LGI1: variants seen among roughly 807,000 people sequenced by gnomAD.
LGI1 encodes leucine-rich glioma-inactivated protein 1.
Under a neutral mutation model 57.7 loss-of-function variants are expected in LGI1, and 11 were observed. That is an observed-to-expected ratio of 0.19 (90% CI 0.12 to 0.32). The LOEUF is 0.32. Ranked by LOEUF, LGI1 falls within the 10% of genes least tolerant of loss-of-function variation. LGI1 has a pLI of 1.00. For missense variants in LGI1, 422 were observed against 661.9 expected (o/e 0.64, Z 3.98); for synonymous variants, 222 against 241.9 (o/e 0.92, Z 0.76).
chr10:93,758,891 A>C lies in LGI1; in HGVS notation c.287+60A>C, dbSNP rs1162447909. The C allele has an allele frequency of 8.6e-7, 1 of 1,156,800 alleles. No individual in the cohort carries two copies. 71.7% of individuals were successfully genotyped at this position (1,156,800 alleles called of 1,614,324 possible). A position where few individuals can be genotyped will look rare whatever the true frequency, so the allele number is the denominator to read the frequency against. On this transcript the variant is annotated intron_variant, in intron 2 of 7. Transcript: ENST00000371418. This position sits in a 1 kb window ranked among gnomAD's most constrained non-coding sequence, Gnocchi z 4.7. Reference sequence around the variant, plus strand: ...TGGCATATATTTGGATAAGCCTTCTAGTAAAATGATCTCAATATTAATTTT... The same window carrying C: ...TGGCATATATTTGGATAAGCCTTCTCGTAAAATGATCTCAATATTAATTTT...
At chr10:93,778,217 G>A (rs2059810596) in intron 4 of LGI1, among the ~76,000 whole-genome samples, 1 of 152,084 alleles carries the variant, frequency 6.6e-6, no homozygotes, top group Non-Finnish European at 1.5e-5. Flanking sequence ...TACTGCTTAG[G>A]ACAGCCCTTC....
At chr10:93,779,253 T>A (rs1422705474) in intron 4 of LGI1, among the ~76,000 whole-genome samples, 1 of 151,110 alleles carries the variant, frequency 6.6e-6, no homozygotes, top group Non-Finnish European at 1.5e-5. Context: ...CTTAGCATCA[T>A]GAGAGCTGTA....
intron 2 of LGI1, among the ~76,000 whole-genome samples, chr10:93,761,473 C>T (rs12769713): frequency 0.21 from 31,320 of 152,172 alleles, 3,733 homozygotes; most frequent in Non-Finnish European, 0.28. Flanking sequence ...CTATTTCCAT[C>T]ATCCACCCTA....
At position 93,793,269 on chromosome 10, in the gene LGI1, G is replaced by A. The variant is rs1440639718; in HGVS notation, c.757G>A (p.Ala253Thr). 3.0e-5 allele frequency: 49 copies of A among 1,611,392 alleles called. No individual in the cohort carries two copies. The highest frequency in any genetic ancestry group is 4.5e-5 in the East Asian group (2 of 44,862). ...TTTGAATGATGAGTATGTAGTCATCGCTCAGCCTTTTACTGGAAAATGCAT... is the reference window on the plus strand; with the variant it reads ...TTTGAATGATGAGTATGTAGTCATCACTCAGCCTTTTACTGGAAAATGCAT... ...SYLNDEYVVI[A>T]QPFTGKCIFL... Residue 253 changes from alanine (A) to threonine (T), a missense_variant, in exon 7 of 8, where the codon GCT becomes ACT. By Grantham distance (58) the Ala-to-Thr change is moderately conservative. Transcript: ENST00000371418.
At chr10:93,793,425 G>T in intron 7 of LGI1, 75 bp downstream of exon 7, 3 of 1,258,898 alleles carry the variant, frequency 2.4e-6, no homozygotes, top group Non-Finnish European at 3.5e-6. Context: ...AAGATGAGTG[G>T]TATAGGGGAA....
intron 4 of LGI1, among the ~76,000 whole-genome samples, chr10:93,786,800 T>G (rs983127396): frequency 6.6e-6 from 1 of 152,166 alleles, no homozygotes; most frequent in East Asian, 1.9e-4. Context: ...TGCCTTGTTG[T>G]CCAGGCTGGT....
At chr10:93,791,315 T>C (rs1177705387) in intron 5 of LGI1, 2 of 152,260 alleles carry the variant, frequency 1.3e-5, no homozygotes, top group Non-Finnish European at 2.9e-5. Context: ...AGGTCAGTTC[T>C]GGGAGTGTCT....
At chr10:93,782,216 T>C (rs1043752843) in intron 4 of LGI1, among the ~76,000 whole-genome samples, 2 of 152,216 alleles carry the variant, frequency 1.3e-5, no homozygotes, top group Non-Finnish European at 2.9e-5. Flanking sequence ...GGCTTCAAAG[T>C]GCACTTTTCT....
chr10:93,790,961 A>T (rs2059933125), intron 5 of LGI1: 1 of 152,244 alleles, frequency 6.6e-6, no homozygotes, highest in African/African-American at 2.4e-5. Flanking sequence ...AAGCTTTTTT[A>T]AAAAATTATT....
chr10:93,771,063 T>G (rs1421727614), intron 2 of LGI1: 12 of 151,886 alleles, frequency 7.9e-5, no homozygotes. Context: ...AATAAAAAAA[T>G]AAATCGAAGA....
chr10:93,789,895 T>C (rs2059921416), intron 4 of LGI1: 3 of 558,168 alleles, frequency 5.4e-6, no homozygotes, highest in East Asian at 2.9e-5. Context: ...TAAATAAATA[T>C]GGAGTGGGTG....
At chr10:93,794,884 T>C (rs990122477) in intron 7 of LGI1, 8 of 152,172 alleles carry the variant, frequency 5.3e-5, no homozygotes, top group Non-Finnish European at 1.0e-4. Flanking sequence ...GCCATCACCC[T>C]CATTGCTCAA....
rs558247224 is a variant in LGI1 at position 93,765,558 on chromosome 10, A to C, written c.287+6727A>C. 4.6e-5 allele frequency: 7 copies of C among 152,340 alleles called. No homozygotes were observed. In the East Asian group the frequency reaches 1.3e-3, roughly 29 times the overall value. The allele number at this position is 152,340 out of a possible 1,614,324, so 9.4% of individuals were successfully genotyped here. A position where few individuals can be genotyped will look rare whatever the true frequency, so the allele number is the denominator to read the frequency against. On this transcript the variant is annotated intron_variant, in intron 2 of 7. Coordinates refer to ENST00000371418, the MANE Select transcript of LGI1 (RefSeq NM_005097.4). Reference sequence around the variant, plus strand: ...ACAGGATAAAGACCAAACAAATATAAGTTGGCATTTTGAGACCCTTGCATT... The same window carrying C: ...ACAGGATAAAGACCAAACAAATATACGTTGGCATTTTGAGACCCTTGCATT...
intron 2 of LGI1, among the ~76,000 whole-genome samples, chr10:93,776,409 A>G (rs2059794825): frequency 6.6e-6 from 1 of 152,150 alleles, no homozygotes. Flanking sequence ...TCCTCTGATT[A>G]TTTGAAGCAA....
rs1204799581 is a variant in LGI1 at position 93,777,597 on chromosome 10, A to G, written c.411A>G (p.Gly137=). The change falls in exon 4 of 8, where the codon GGA becomes GGG. Residue 137 remains glycine (G), a synonymous_variant. Transcript: ENST00000371418. ...CAATTTCAAGACATACTTTCCGGGG[A>G]CTAAAGTCATTAATTCACTTGTAAG... ...IKSISRHTFR[G]LKSLIHLSLA... The G allele has an allele frequency of 6.2e-7, 1 of 1,612,968 alleles. No homozygotes were observed. Among genetic ancestry groups the G allele is most frequent in the Admixed American group, 1.7e-5 (1 of 60,032 alleles).
intron 4 of LGI1, among the ~76,000 whole-genome samples, chr10:93,788,046 C>T (rs2059904941): frequency 6.6e-6 from 1 of 152,188 alleles, no homozygotes; most frequent in African/African-American, 2.4e-5. Flanking sequence ...GACTCAGCCT[C>T]CTCTAAATTT....
At chr10:93,763,569 A>G (rs1326158664) in intron 2 of LGI1, 1 of 152,222 alleles carries the variant, frequency 6.6e-6, no homozygotes, top group Non-Finnish European at 1.5e-5. Flanking sequence ...TACTCTCAGC[A>G]GATAATGCTG....
chr10:93,778,291 G>C (rs2059811507), intron 4 of LGI1, among the ~76,000 whole-genome samples: 1 of 151,460 alleles, frequency 6.6e-6, no homozygotes, highest in Non-Finnish European at 1.5e-5. Flanking sequence ...TGAACAACAG[G>C]ACCCAAACAA....
intron 2 of LGI1, chr10:93,769,407 GTCT>G (rs1187066076): frequency 1.3e-5 from 2 of 152,158 alleles, no homozygotes; most frequent in Admixed American, 6.5e-5. Flanking sequence ...GTCCATCAAA[GTCT>G]TCTTGGGGCA....
Sources: allele counts gnomAD v4.1 joint callset (sites outside exome capture counted in the v4.1 genomes callset), GRCh38; gene constraint gnomAD v4.1.1; non-coding constraint Gnocchi (gnomAD v3.1); transcripts MANE v1.5; gene names NCBI Gene and HGNC (gene_info 2026-07-23, HGNC 2026-07-21).